The following CTNNA3 variants were observed in gnomAD, a reference collection of about 807,000 sequenced individuals.
CTNNA3 encodes the protein catenin alpha 3, also known as catenin alpha-3.
In CTNNA3, 76 loss-of-function variants were observed where a neutral mutation model predicts 95.7. That is an observed-to-expected ratio of 0.79 (90% CI 0.66 to 0.96). CTNNA3 has a LOEUF of 0.96. Among genes scored for constraint, CTNNA3 ranks in the 40% least tolerant of loss-of-function variants. CTNNA3 has a pLI of 0.00. For missense variants in CTNNA3, 1,191 were observed against 1,089.8 expected (o/e 1.09, Z -1.31); for synonymous variants, 431 against 374.4 (o/e 1.15, Z -1.74).
At chr10:66,077,291 T>C (rs1413405974) in intron 14 of CTNNA3, among the ~76,000 whole-genome samples, 1 of 151,834 alleles carries the variant, frequency 6.6e-6, no homozygotes, top group Non-Finnish European at 1.5e-5. Flanking sequence ...TGATTAAACA[T>C]TTCTGTGCAT....
intron 9 of CTNNA3, among the ~76,000 whole-genome samples, chr10:66,746,388 G>C (rs1378517434): frequency 5.9e-5 from 9 of 152,076 alleles, no homozygotes; most frequent in Non-Finnish European, 1.5e-5. Flanking sequence ...ATGTCAAAAA[G>C]CTGATTCACC....
intron 12 of CTNNA3, among the ~76,000 whole-genome samples, chr10:66,322,988 A>G (rs2092209200): frequency 6.6e-6 from 1 of 151,708 alleles, no homozygotes; most frequent in African/African-American, 2.4e-5. Context: ...TCCTGCTTGA[A>G]CTGTGCATCA....
intron 10 of CTNNA3, among the ~76,000 whole-genome samples, chr10:66,538,498 A>T (rs991707367): frequency 6.6e-6 from 1 of 152,162 alleles, no homozygotes; most frequent in Non-Finnish European, 1.5e-5. Context: ...CAAATTTAAA[A>T]ATAGAGCAGC....
chr10:65,936,858 A>G (rs1206050539), intron 17 of CTNNA3, among the ~76,000 whole-genome samples: 1 of 152,074 alleles, frequency 6.6e-6, no homozygotes, highest in African/African-American at 2.4e-5. Context: ...CATAAATTAT[A>G]CGGTTATATA....
chr10:67,500,919 A>G (rs940893624), intron 5 of CTNNA3, among the ~76,000 whole-genome samples: 16 of 152,132 alleles, frequency 1.1e-4, no homozygotes, highest in African/African-American at 3.6e-4. Context: ...TCTTTATCCA[A>G]TTTGCCAGTC....
chr10:66,853,500 C>T (rs1338442912), intron 7 of CTNNA3, among the ~76,000 whole-genome samples: 1 of 152,002 alleles, frequency 6.6e-6, no homozygotes, highest in Non-Finnish European at 1.5e-5. Flanking sequence ...TAACTTAAAA[C>T]AAATTTTCCA....
At chr10:67,366,366 T>G (rs1009968796) in intron 5 of CTNNA3, among the ~76,000 whole-genome samples, 2 of 66,592 alleles carry the variant, frequency 3.0e-5, no homozygotes, top group South Asian at 3.6e-4. Flanking sequence ...AAAAATAAAA[T>G]AAAATAAAGA....
intron 15 of CTNNA3, among the ~76,000 whole-genome samples, chr10:66,000,408 A>G (rs2078748065): frequency 1.3e-5 from 2 of 152,184 alleles, no homozygotes; most frequent in Admixed American, 6.5e-5. Flanking sequence ...AACAAAAAAT[A>G]CCAAATGTTT....
intron 5 of CTNNA3, among the ~76,000 whole-genome samples, chr10:67,505,542 G>A (rs1268917154): frequency 6.6e-6 from 1 of 152,014 alleles, no homozygotes; most frequent in Non-Finnish European, 1.5e-5. Flanking sequence ...ATGAGAGGGA[G>A]GAAACATTAT....
chr10:65,918,196 G>A lies in CTNNA3; in HGVS notation c.*2134C>T, dbSNP rs1366309672. ...TTCAAGTTATTTCTGTTCTTTTGGT[G>A]TCCAATACTGCATGTTCTAAACTCC... On this transcript the variant is annotated 3_prime_UTR_variant, in exon 18 of 18. Coordinates refer to ENST00000433211, the MANE Select transcript of CTNNA3 (RefSeq NM_013266.4). 1 of 152,084 alleles carries A rather than the reference G, an allele frequency of 6.6e-6. No individual in the cohort carries two copies. Among genetic ancestry groups the A allele is most frequent in the Non-Finnish European group, 1.5e-5 (1 of 68,018 alleles). 9.4% of individuals were successfully genotyped at this position (152,084 alleles called of 1,614,324 possible).
At chr10:67,693,898 T>C (rs185932782) in intron 1 of CTNNA3, among the ~76,000 whole-genome samples, 133 of 152,330 alleles carry the variant, frequency 8.7e-4, no homozygotes, top group African/African-American at 2.9e-3. Context: ...TCCATTCTCA[T>C]GTTTTCCCTA....
intron 16 of CTNNA3, among the ~76,000 whole-genome samples, chr10:65,975,490 T>C (rs1457249594): frequency 1.3e-5 from 2 of 152,086 alleles, no homozygotes; most frequent in African/African-American, 4.8e-5. Context: ...CCACATGCTA[T>C]GGAAACTAAT....
chr10:66,621,208 ATCATTTGGAC>A (rs1481366922), intron 10 of CTNNA3, among the ~76,000 whole-genome samples: 3 of 152,168 alleles, frequency 2.0e-5, no homozygotes. Flanking sequence ...AATAAATCAA[ATCATTTGGAC>A]AAAGCACCTT....
At chr10:66,703,879 G>A (rs1344636467) in intron 9 of CTNNA3, among the ~76,000 whole-genome samples, 1 of 152,110 alleles carries the variant, frequency 6.6e-6, no homozygotes, top group Non-Finnish European at 1.5e-5. Context: ...AATGACTCTG[G>A]CAAATTTGTC....
At chr10:66,661,548 T>C (rs4143863) in intron 9 of CTNNA3, among the ~76,000 whole-genome samples, 99,553 of 151,966 alleles carry the variant, frequency 0.66, 33,448 homozygotes, top group East Asian at 0.95. Flanking sequence ...TTAAAAATAA[T>C]TTCATAAGGC....
At chr10:66,299,378 G>A (rs2091828910) in intron 12 of CTNNA3, among the ~76,000 whole-genome samples, 1 of 151,992 alleles carries the variant, frequency 6.6e-6, no homozygotes, top group Admixed American at 6.5e-5. Context: ...TGTACCATGG[G>A]GGTAGAAGAA....
At chr10:65,990,927 T>G (rs1007085735) in intron 15 of CTNNA3, among the ~76,000 whole-genome samples, 1 of 152,092 alleles carries the variant, frequency 6.6e-6, no homozygotes, top group East Asian at 1.9e-4. Context: ...TGATCTTGAT[T>G]TGATTTTTGT....
At chr10:66,834,268 A>G (rs1363558645) in intron 7 of CTNNA3, among the ~76,000 whole-genome samples, 1 of 152,224 alleles carries the variant, frequency 6.6e-6, no homozygotes, top group Non-Finnish European at 1.5e-5. Context: ...TCACAGATCT[A>G]TAAAAGACAC....
At chr10:67,381,013 A>T (rs150546521) in intron 5 of CTNNA3, among the ~76,000 whole-genome samples, 37 of 152,320 alleles carry the variant, frequency 2.4e-4, no homozygotes, top group Non-Finnish European at 4.4e-4. Context: ...CCATTACCAC[A>T]GTCCTGATGA....
Sources: gnomAD v4.1 joint callset for allele counts (sites outside exome capture counted in the v4.1 genomes callset) on GRCh38, gnomAD v4.1.1 for gene constraint, MANE v1.5 for transcripts, NCBI Gene and HGNC (gene_info 2026-07-23, HGNC 2026-07-21) for gene names.